Variants in OTOP1 observed in about 807,000 individuals in gnomAD.
OTOP1 encodes the protein proton channel OTOP1.
A neutral mutation model predicts 52.9 loss-of-function variants in OTOP1; 59 were observed. The ratio of observed to expected loss-of-function variants is 1.12; its 90% CI spans 0.91 to 1.39. OTOP1 has a LOEUF of 1.39. Ranked by LOEUF, OTOP1 falls within the 40% of genes most tolerant of loss-of-function variation. The pLI is 0.00. For synonymous variants in OTOP1, 317 were observed against 337.7 expected (o/e 0.94, Z 0.67); for missense variants, 761 against 800.9 (o/e 0.95, Z 0.60).
chr4:4,200,694 G>A (rs957818090), intron 4 of OTOP1, among the ~76,000 whole-genome samples: 1 of 146,788 alleles, frequency 6.8e-6, no homozygotes, highest in Non-Finnish European at 1.5e-5. Context: ...GCTATAGCTG[G>A]GACCACAAGC....
chr4:4,212,212 A>G (rs1717041417), intron 2 of OTOP1, among the ~76,000 whole-genome samples: 4 of 152,324 alleles, frequency 2.6e-5, no homozygotes, highest in South Asian at 2.1e-4. Flanking sequence ...CCCATCTAAC[A>G]TTCTTTTCAA....
rs762929408 is a variant in OTOP1 at position 4,212,992 on chromosome 4, A to C, written c.416T>G (p.Leu139Trp). ...CAGGATGACGGTAATGACTGCAAACAATGTGATACTACCTAAATGTGGGAT... is the reference window on the plus strand; with the variant it reads ...CAGGATGACGGTAATGACTGCAAACCATGTGATACTACCTAAATGTGGGAT... ...GAGWLRGSITLFAVITVILGC... is the reference protein window; with the variant it reads ...GAGWLRGSITWFAVITVILGC... The change falls in exon 2 of 6, where the codon TTG (leucine) becomes TGG (tryptophan). Residue 139 changes from leucine to tryptophan, a missense_variant. Coordinates refer to ENST00000296358, the MANE Select transcript of OTOP1 (RefSeq NM_177998.3). The C allele has an allele frequency of 6.2e-7, 1 of 1,614,036 alleles. No homozygotes were observed. The highest frequency in any genetic ancestry group is 1.7e-5 in the Admixed American group (1 of 60,022).
intron 3 of OTOP1, among the ~76,000 whole-genome samples, chr4:4,204,909 T>TCCGG: frequency 6.6e-6 from 1 of 152,114 alleles, no homozygotes; most frequent in Non-Finnish European, 1.5e-5. Flanking sequence ...TAGCTGGGAC[T>TCCGG]ACAGGCGCCC....
Position 4,197,629 on chromosome 4 carries a change from C to T in OTOP1, c.1205G>A (p.Trp402Ter). 6.2e-7 allele frequency: 1 copy of T among 1,613,792 alleles called. No individual in the cohort carries two copies. Among genetic ancestry groups the T allele is most frequent in the Non-Finnish European group, 8.5e-7 (1 of 1,179,986 alleles). ...DLLVGTASGS[W>*]LISWGSILAI... ...CAAGATTGAGCCCCAGGAGATAAGC[C>T]AGGAGCCCGAGGCAGTGCCCACCAA... Residue 402 changes from tryptophan (W) to a stop codon, truncating the protein, a stop_gained, in exon 5 of 6, where the codon TGG (tryptophan) becomes TAG (stop). Transcript: ENST00000296358. LOFTEE classifies it high-confidence loss of function.
At chr4:4,219,045 C>T (rs1457866481) in intron 1 of OTOP1, among the ~76,000 whole-genome samples, 1 of 151,516 alleles carries the variant, frequency 6.6e-6, no homozygotes, top group Non-Finnish European at 1.5e-5. Flanking sequence ...AAAAGGCAAA[C>T]ATGTGGAAAA....
At chr4:4,195,064 A>T (rs1393752626) in intron 5 of OTOP1, among the ~76,000 whole-genome samples, 1 of 152,142 alleles carries the variant, frequency 6.6e-6, no homozygotes, top group African/African-American at 2.4e-5. Flanking sequence ...ATCATTCCAA[A>T]ACACAAATCT....
Position 4,188,969 on chromosome 4 carries a change from C to G in OTOP1, c.1673G>C (p.Trp558Ser). 1 of 1,611,038 alleles carries G rather than the reference C, an allele frequency of 6.2e-7. No individual in the cohort carries two copies. Residue 558 changes from tryptophan to serine, a missense_variant, in exon 6 of 6, where the codon TGG becomes TCG. Around this residue, in one of 3 missense-constraint regions of OTOP1, gnomAD observed 632 missense variants for 619.5 expected, o/e 1.02. Coordinates refer to ENST00000296358, the MANE Select transcript of OTOP1 (RefSeq NM_177998.3). ...AFLFLCNISL[W>S]IPPAFGCRPE... The stretch of plus-strand genomic sequence containing the variant: ...TCGACAGCCAAAGGCGGGAGGTATC[C>G]AAAGCTGCAAGAGAAGAGAAAATGG...
rs1179780750 is a variant in OTOP1, at chr4:4,226,517, C to G, written c.348G>C (p.Ala116=). ...WMLWYVGRSS[A]HRRLFRLKDT... ...CCTTGAGGCGGAAGAGGCGGCGGTG[C>G]GCGGAGCTGCGGCCCACGTACCACA... The change falls in exon 1 of 6, where the codon GCG becomes GCC. Residue 116 remains alanine, a synonymous_variant. Transcript: ENST00000296358. 3 of 1,587,398 alleles carry G rather than the reference C, an allele frequency of 1.9e-6. No individual in the cohort carries two copies. The highest frequency in any genetic ancestry group is 2.3e-5 in the South Asian group (2 of 88,886).
intron 1 of OTOP1, among the ~76,000 whole-genome samples, chr4:4,222,486 A>G (rs1419265278): frequency 2.0e-5 from 3 of 152,046 alleles, no homozygotes; most frequent in African/African-American, 7.3e-5. Context: ...GACCCTCCAC[A>G]CACAGTCTGA....
chr4:4,196,557 C>CA (rs1217121430), intron 5 of OTOP1, among the ~76,000 whole-genome samples: 1 of 151,868 alleles, frequency 6.6e-6, no homozygotes, highest in South Asian at 2.1e-4. Flanking sequence ...AACTCTGTCT[C>CA]AAAAAAAGAG....
chr4:4,205,434 C>T (rs1489693943), intron 3 of OTOP1, among the ~76,000 whole-genome samples: 2 of 152,230 alleles, frequency 1.3e-5, no homozygotes, highest in Non-Finnish European at 2.9e-5. Flanking sequence ...CCCTTCCTTT[C>T]CTGCATACAG....
chr4:4,209,827 G>A (rs1276546163), intron 2 of OTOP1, among the ~76,000 whole-genome samples: 3 of 152,060 alleles, frequency 2.0e-5, no homozygotes, highest in African/African-American at 7.2e-5. Context: ...CACCAAACAG[G>A]GATCCAGCCT....
chr4:4,201,534 T>A (rs1483396774), intron 4 of OTOP1, among the ~76,000 whole-genome samples: 1 of 146,606 alleles, frequency 6.8e-6, no homozygotes, highest in African/African-American at 2.6e-5. Flanking sequence ...CCAGAGAGAT[T>A]GATACCAAGG....
At position 4,219,977 on chromosome 4, in the gene OTOP1, A is replaced by C. The variant is rs1435974842; in HGVS notation, c.403+6485T>G. On this transcript the variant is annotated intron_variant, in intron 1 of 5. Coordinates refer to ENST00000296358, the MANE Select transcript of OTOP1 (RefSeq NM_177998.3). ...CGTATACATGTATACATATATACAC[A>C]TATATACGTATATAGGTGTATATAC... 2.1e-5 allele frequency among the ~76,000 whole-genome samples: 3 copies of C among 141,202 alleles called. 1 individual carries two copies. Among genetic ancestry groups the C allele is most frequent in the East Asian group, 2.0e-4 (1 of 4,946 alleles). The allele number at this position is 141,202 out of a possible 152,430, so 92.6% of individuals were successfully genotyped here.
intron 5 of OTOP1, among the ~76,000 whole-genome samples, chr4:4,195,493 T>G (rs1716602451): frequency 1.3e-5 from 2 of 152,110 alleles, no homozygotes; most frequent in African/African-American, 4.8e-5. Flanking sequence ...CACCAGCCCT[T>G]CCCCACTGCT....
At chr4:4,192,227 C>T (rs1465894891) in intron 5 of OTOP1, among the ~76,000 whole-genome samples, 1 of 152,154 alleles carries the variant, frequency 6.6e-6, no homozygotes, top group Admixed American at 6.5e-5. Flanking sequence ...TCCGACCACC[C>T]TGAGACGTCA....
rs147934005 is a variant in OTOP1 at position 4,224,821 on chromosome 4, G to A, written c.403+1641C>T. Among the ~76,000 whole-genome samples, 930 of 149,948 alleles carry A rather than the reference G, an allele frequency of 6.2e-3. 17 individuals are homozygous for A. The highest frequency in any genetic ancestry group is 0.021 in the African/African-American group (859 of 40,562). On this transcript the variant is annotated intron_variant, in intron 1 of 5. Transcript: ENST00000296358. The stretch of plus-strand genomic sequence containing the variant: ...GCAGAAACGGACAAGGACCAAAAGA[G>A]CTTTACAGAAAGGGGGCCATGGTGG...
chr4:4,203,549 G>A (rs1056361514), intron 3 of OTOP1, among the ~76,000 whole-genome samples: 1 of 152,226 alleles, frequency 6.6e-6, no homozygotes, highest in African/African-American at 2.4e-5. Context: ...AGAGAACTAA[G>A]TGGAAGGTCG....
chr4:4,191,482 C>A (rs142450570), intron 5 of OTOP1, among the ~76,000 whole-genome samples: 4 of 152,200 alleles, frequency 2.6e-5, no homozygotes, highest in Non-Finnish European at 4.4e-5. Context: ...TAACCACCCA[C>A]GCTTCTCCCC....
Sources: gnomAD v4.1 joint callset for allele counts (sites outside exome capture counted in the v4.1 genomes callset) on GRCh38, gnomAD v4.1.1 for gene constraint, gnomAD v4.1.1 regional missense constraint, MANE v1.5 for transcripts, NCBI Gene and HGNC (gene_info 2026-07-23, HGNC 2026-07-21) for gene names.